The following ASAP3 variants were observed in gnomAD, a reference collection of about 807,000 sequenced individuals.
ASAP3 encodes the protein ArfGAP with SH3 domain, ankyrin repeat and PH domain 3.
In ASAP3, 85 loss-of-function variants were observed where a neutral mutation model predicts 118.2. The observed-to-expected ratio is 0.72, with a 90% CI of 0.60 to 0.86. The LOEUF (loss-of-function observed/expected upper bound fraction) is 0.86. ASAP3 is among the 40% of genes least tolerant of loss of function. The pLI is 0.00. For synonymous variants in ASAP3, 432 were observed against 477.4 expected (o/e 0.90, Z 1.24); for missense variants, 1,026 against 1,175.0 (o/e 0.87, Z 1.85).
At chr1:23,431,248 C>G in intron 23 of ASAP3, 123 bp from the exon 24 acceptor site, 1 of 977,102 alleles carries the variant, frequency 1.0e-6, no homozygotes, top group Non-Finnish European at 1.5e-6. Flanking sequence ...TCCACAAGGC[C>G]CCCAGGCCAG....
intron 1 of ASAP3, among the ~76,000 whole-genome samples, chr1:23,479,109 G>A (rs958751050): frequency 4.6e-5 from 7 of 152,156 alleles, no homozygotes; most frequent in Non-Finnish European, 8.8e-5. Flanking sequence ...AAACTGGGCC[G>A]GGCTGTCAAC....
intron 17 of ASAP3, among the ~76,000 whole-genome samples, chr1:23,435,436 C>G (rs1640602567): frequency 6.6e-6 from 1 of 152,212 alleles, no homozygotes; most frequent in South Asian, 2.1e-4. Context: ...TTGGAATAGC[C>G]AAAGCAATGT....
chr1:23,436,625 G>T lies in ASAP3; in HGVS notation c.1506C>A (p.Phe502Leu). The change falls in exon 16 of 25, where the codon TTC (phenylalanine) becomes TTA (leucine). Residue 502 changes from phenylalanine to leucine, a missense_variant. Coordinates refer to ENST00000336689, the MANE Select transcript of ASAP3 (RefSeq NM_017707.4). The surrounding 1 kb of genome is among the most constrained non-coding windows in gnomAD (Gnocchi z 4.2). ...LLALNMGNTS[F>L]NEVMEAQLPS... ...GTAGCTGGGCCTCCATGACCTCATT[G>T]AAGCTCGTGTTTCCCATGTTCAAGG... 6.2e-7 allele frequency: 1 copy of T among 1,614,236 alleles called. No individual in the cohort carries two copies. Among genetic ancestry groups the T allele is most frequent in the Non-Finnish European group, 8.5e-7 (1 of 1,180,050 alleles).
intron 3 of ASAP3, among the ~76,000 whole-genome samples, chr1:23,455,629 T>C (rs1641357402): frequency 6.6e-6 from 1 of 152,154 alleles, no homozygotes; most frequent in Non-Finnish European, 1.5e-5. Flanking sequence ...TCTTCCCTGC[T>C]GTGAGACCCC....
intron 10 of ASAP3, among the ~76,000 whole-genome samples, chr1:23,440,788 G>A (rs916541891): frequency 3.3e-5 from 5 of 150,772 alleles, no homozygotes; most frequent in African/African-American, 1.2e-4. Flanking sequence ...CCCGGAAGGC[G>A]GAGCTTACAG....
At chr1:23,483,975 C>T (rs1418145732) in intron 1 of ASAP3, 30 bp downstream of exon 1, 2 of 1,266,348 alleles carry the variant, frequency 1.6e-6, no homozygotes, top group Admixed American at 4.2e-5. Context: ...CGGCGCCGAC[C>T]CCCGACCCCT....
chr1:23,470,481 C>G (rs1047537722), intron 1 of ASAP3, among the ~76,000 whole-genome samples: 3 of 152,320 alleles, frequency 2.0e-5, no homozygotes, highest in African/African-American at 7.2e-5. Flanking sequence ...ACTGCAAGGC[C>G]TGGGAGCCAG....
chr1:23,445,689 T>C (rs1279062821), intron 5 of ASAP3, among the ~76,000 whole-genome samples: 1 of 152,192 alleles, frequency 6.6e-6, no homozygotes, highest in African/African-American at 2.4e-5. Context: ...AGAATGAAGA[T>C]TGGCCAGGTG....
chr1:23,480,168 TA>T (rs1219439310), intron 1 of ASAP3: 1 of 152,046 alleles, frequency 6.6e-6, no homozygotes. Context: ...TCTCAAAAAA[TA>T]AAATAATAAT....
In ASAP3 at chr1:23,434,374, G is replaced by A. The variant is rs2148604726; in HGVS notation, c.1836-5C>T. ...GCCTTGGCATCCAGGTGACCACTGGGGAGAGGAGGGTTCAGGGAGAAAGGA... is the reference window on the plus strand; with the variant it reads ...GCCTTGGCATCCAGGTGACCACTGGAGAGAGGAGGGTTCAGGGAGAAAGGA... On this transcript the variant is annotated splice_polypyrimidine_tract_variant and splice_region_variant and intron_variant, in intron 18 of 24. Transcript: ENST00000336689. 6.2e-7 allele frequency: 1 copy of A among 1,614,070 alleles called. No individual in the cohort carries two copies. Among genetic ancestry groups the A allele is most frequent in the Middle Eastern group, 1.6e-4 (1 of 6,062 alleles).
At chr1:23,465,927 C>T (rs1170072297) in intron 1 of ASAP3, among the ~76,000 whole-genome samples, 2 of 152,166 alleles carry the variant, frequency 1.3e-5, no homozygotes, top group Non-Finnish European at 2.9e-5. Flanking sequence ...TGCCTCCAAA[C>T]CTAAATCCCA....
rs757129220 is a variant in ASAP3 at position 23,431,710 on chromosome 1, G to T, written c.2532C>A (p.Leu844=). 2.0e-6 allele frequency: 3 copies of T among 1,523,702 alleles called. No individual in the cohort carries two copies. The highest frequency in any genetic ancestry group is 2.6e-6 in the Non-Finnish European group (3 of 1,141,796). The allele number at this position is 1,523,702 out of a possible 1,614,324, so 94.4% of individuals were successfully genotyped here. A position where few individuals can be genotyped will look rare whatever the true frequency, so the allele number is the denominator to read the frequency against. ...CCCTCACCAACCTGAATCTGACGGGGAGGTACATCTCCGAAGGGGTGGTCC... is the reference window on the plus strand; with the variant it reads ...CCCTCACCAACCTGAATCTGACGGGTAGGTACATCTCCGAAGGGGTGGTCC... ...TSGTTPSEMY[L]PVRFSSESTR... The change falls in exon 23 of 25, where the codon CTC becomes CTA. Residue 844 remains leucine, a synonymous_variant. Transcript: ENST00000336689.
chr1:23,477,675 A>G (rs749287269), intron 1 of ASAP3, among the ~76,000 whole-genome samples: 2 of 152,170 alleles, frequency 1.3e-5, no homozygotes, highest in Non-Finnish European at 2.9e-5. Context: ...CGTGCCACTT[A>G]GTACAATGAG....
upstream of ASAP3, chr1:23,484,187 T>G: frequency 8.2e-7 from 1 of 1,221,022 alleles, no homozygotes; most frequent in Non-Finnish European, 1.0e-6. Flanking sequence ...ACTGAGCTGC[T>G]CCGCGCTGAG....
rs972597113 is a variant in ASAP3, at chr1:23,442,721, G to A, written c.474-109C>T. ...CACATGGTGCAGGAGGCCCTCCTGT[G>A]CCAGCTGTGTGGTGGGGCTGGGTAC... On this transcript the variant is annotated intron_variant, in intron 5 of 24. Transcript: ENST00000336689. 7.5e-6 allele frequency: 11 copies of A among 1,468,866 alleles called. No individual in the cohort carries two copies. In the African/African-American group the frequency reaches 1.4e-4, roughly 19 times the overall value. 91.0% of individuals were successfully genotyped at this position (1,468,866 alleles called of 1,614,324 possible). A position where few individuals can be genotyped will look rare whatever the true frequency, so the allele number is the denominator to read the frequency against.
At chr1:23,441,792 G>A in intron 7 of ASAP3, 62 bp from the exon 8 acceptor site, 2 of 1,572,140 alleles carry the variant, frequency 1.3e-6, no homozygotes, top group South Asian at 2.2e-5. Flanking sequence ...GATGAAGCCA[G>A]AAGTGTGGGA....
intron 1 of ASAP3, among the ~76,000 whole-genome samples, chr1:23,471,526 TG>T (rs1450374621): frequency 2.0e-5 from 3 of 152,224 alleles, no homozygotes; most frequent in African/African-American, 7.2e-5. Context: ...AATGATTAAA[TG>T]TATGAATACA....
At chr1:23,481,253 A>T (rs1026825859) in intron 1 of ASAP3, among the ~76,000 whole-genome samples, 1 of 152,106 alleles carries the variant, frequency 6.6e-6, no homozygotes, top group Non-Finnish European at 1.5e-5. Context: ...GACTGTACAA[A>T]AGGGCTGCGA....
At chr1:23,432,003 G>GAT (rs200506893) in intron 22 of ASAP3, 85 bp from the exon 23 acceptor site, 51,141 of 665,674 alleles carry the variant, frequency 0.077, 694 homozygotes, top group Non-Finnish European at 0.082. Context: ...TGGCCTCTAG[G>GAT]ATTTTTTTTT....
Sources: allele counts gnomAD v4.1 joint callset (sites outside exome capture counted in the v4.1 genomes callset), GRCh38; gene constraint gnomAD v4.1.1; non-coding constraint Gnocchi (gnomAD v3.1); transcripts MANE v1.5; gene names NCBI Gene and HGNC (gene_info 2026-07-23, HGNC 2026-07-21).